RASGRF2: variants seen among roughly 807,000 people sequenced by gnomAD.
RASGRF2 encodes Ras protein specific guanine nucleotide releasing factor 2.
RASGRF2 carries 76 observed loss-of-function variants against 151.0 expected under a neutral mutation model. The observed-to-expected ratio is 0.50, with a 90% CI of 0.42 to 0.61. The LOEUF (loss-of-function observed/expected upper bound fraction) is 0.61. Ranked by LOEUF, RASGRF2 falls within the 20% of genes least tolerant of loss-of-function variation. RASGRF2 has a pLI of 0.00. For missense variants in RASGRF2, 1,148 were observed against 1,564.6 expected (o/e 0.73, Z 4.49); for synonymous variants, 504 against 566.5 (o/e 0.89, Z 1.57).
intron 1 of RASGRF2, among the ~76,000 whole-genome samples, chr5:81,012,360 C>T (rs1749491028): frequency 6.6e-6 from 1 of 151,984 alleles, no homozygotes; most frequent in Non-Finnish European, 1.5e-5. Flanking sequence ...AGTTATTTTT[C>T]TTGCTGAACA....
intron 13 of RASGRF2, among the ~76,000 whole-genome samples, chr5:81,111,734 A>G (rs1374435759): frequency 1.3e-5 from 2 of 152,306 alleles, no homozygotes; most frequent in East Asian, 3.9e-4. Flanking sequence ...AATATAAAAA[A>G]CAGTAGAAGG....
intron 17 of RASGRF2, among the ~76,000 whole-genome samples, chr5:81,133,713 A>G (rs959304533): frequency 1.3e-5 from 2 of 152,218 alleles, no homozygotes; most frequent in Non-Finnish European, 2.9e-5. Flanking sequence ...TTACTGTTCT[A>G]TGCAACTCAA....
chr5:81,001,497 G>A (rs1749079617), intron 1 of RASGRF2, among the ~76,000 whole-genome samples: 2 of 152,016 alleles, frequency 1.3e-5, no homozygotes, highest in Admixed American at 1.3e-4. Context: ...GCCATTCTGG[G>A]CCTCAGATCT....
intron 18 of RASGRF2, among the ~76,000 whole-genome samples, chr5:81,189,856 C>T (rs761711730): frequency 9.9e-5 from 15 of 152,140 alleles, no homozygotes; most frequent in Non-Finnish European, 1.9e-4. Flanking sequence ...GGATTACAGG[C>T]ATGCGCCACC....
chr5:80,990,387 T>C (rs1334854226), intron 1 of RASGRF2, among the ~76,000 whole-genome samples: 2 of 152,160 alleles, frequency 1.3e-5, no homozygotes, highest in Non-Finnish European at 2.9e-5. Context: ...ATACTTGGAA[T>C]CCTGAGAATT....
intron 2 of RASGRF2, among the ~76,000 whole-genome samples, chr5:81,066,529 C>T (rs1231888592): frequency 2.6e-5 from 4 of 152,162 alleles, no homozygotes; most frequent in Admixed American, 6.5e-5. Flanking sequence ...TGTGTTCCAG[C>T]GTCATGAGGG....
intron 1 of RASGRF2, among the ~76,000 whole-genome samples, chr5:80,982,119 G>C (rs1748320458): frequency 6.6e-6 from 1 of 152,194 alleles, no homozygotes; most frequent in Non-Finnish European, 1.5e-5. Context: ...CTCAACTCTG[G>C]TGGCTCTTAG....
At chr5:81,119,215 C>A (rs1371490074) in intron 15 of RASGRF2, among the ~76,000 whole-genome samples, 1 of 152,218 alleles carries the variant, frequency 6.6e-6, no homozygotes, top group East Asian at 1.9e-4. Flanking sequence ...AACCTCACTT[C>A]TCAGTACTAA....
At chr5:81,061,997 CAAAA>C (rs34991044) in intron 2 of RASGRF2, among the ~76,000 whole-genome samples, 6 of 44,000 alleles carry the variant, frequency 1.4e-4, no homozygotes, top group Non-Finnish European at 2.1e-4. Context: ...TCCCAGCTGA[CAAAA>C]AAAAAAAAAA....
At chr5:81,144,003 C>T (rs1288900749) in intron 17 of RASGRF2, among the ~76,000 whole-genome samples, 1 of 151,840 alleles carries the variant, frequency 6.6e-6, no homozygotes, top group African/African-American at 2.4e-5. Context: ...CAGTATTATG[C>T]AAAGCTGAAA....
At chr5:81,206,712 T>C in intron 19 of RASGRF2, 133 bp from the exon 20 acceptor site, 1 of 704,306 alleles carries the variant, frequency 1.4e-6, no homozygotes, top group South Asian at 1.7e-5. Context: ...GCTCAGCAGT[T>C]GGTTGTGCTG....
At chr5:81,155,936 A>G (rs1016845262) in intron 17 of RASGRF2, among the ~76,000 whole-genome samples, 3 of 152,156 alleles carry the variant, frequency 2.0e-5, no homozygotes, top group African/African-American at 4.8e-5. Context: ...CAATCTAAAC[A>G]ACTTTATCTT....
At chr5:81,221,578 C>T (rs935746897) in intron 26 of RASGRF2, among the ~76,000 whole-genome samples, 8 of 152,116 alleles carry the variant, frequency 5.3e-5, no homozygotes, top group East Asian at 1.9e-4. Context: ...AGGCCAGGTG[C>T]GGTGGCTCAC....
At chr5:80,996,714 C>T (rs568606160) in intron 1 of RASGRF2, among the ~76,000 whole-genome samples, 1 of 150,804 alleles carries the variant, frequency 6.6e-6, no homozygotes, top group African/African-American at 2.4e-5. Context: ...ATTCTCATGC[C>T]TCAGGCTCCC....
At chr5:81,139,005 A>G (rs562368595) in intron 17 of RASGRF2, among the ~76,000 whole-genome samples, 7 of 152,264 alleles carry the variant, frequency 4.6e-5, no homozygotes, top group African/African-American at 1.7e-4. Context: ...CATCTTAACA[A>G]TACTCAGCCT....
intron 4 of RASGRF2, among the ~76,000 whole-genome samples, chr5:81,071,349 A>G (rs908589840): frequency 1.3e-5 from 2 of 152,160 alleles, no homozygotes; most frequent in African/African-American, 2.4e-5. Context: ...TAATGTGCTC[A>G]GCATTTACCT....
rs557329544 is a variant in RASGRF2 at position 81,002,699 on chromosome 5, C to T, written c.289-40178C>T. Among the ~76,000 whole-genome samples the T allele has an allele frequency of 1.1e-3, 174 of 152,108 alleles. 2 individuals carry two copies. The highest frequency in any genetic ancestry group is 6.8e-3 in the Middle Eastern group (2 of 294). On this transcript the variant is annotated intron_variant, in intron 1 of 26. Coordinates refer to ENST00000265080, the MANE Select transcript of RASGRF2 (RefSeq NM_006909.3). Reference sequence around the variant, plus strand: ...GTATAAATAAGATGATCTGTCGTGCCGATCTGGAAATTTTGTAATTAAGCC... The same window carrying T: ...GTATAAATAAGATGATCTGTCGTGCTGATCTGGAAATTTTGTAATTAAGCC...
intron 2 of RASGRF2, among the ~76,000 whole-genome samples, chr5:81,059,137 A>ATTCAGGAGG (rs1561583680): frequency 4.6e-5 from 7 of 151,814 alleles, no homozygotes; most frequent in Admixed American, 2.6e-4. Context: ...TAATCCCAGC[A>ATTCAGGAGG]CTTTGGGAGG....
At chr5:81,060,294 A>G (rs765578970) in intron 2 of RASGRF2, among the ~76,000 whole-genome samples, 3 of 152,174 alleles carry the variant, frequency 2.0e-5, no homozygotes, top group Non-Finnish European at 4.4e-5. Context: ...TAGACAGGCT[A>G]GGCCCACTCC....
Sources: gnomAD v4.1 joint callset for allele counts (sites outside exome capture counted in the v4.1 genomes callset) on GRCh38, gnomAD v4.1.1 for gene constraint, MANE v1.5 for transcripts, NCBI Gene and HGNC (gene_info 2026-07-23, HGNC 2026-07-21) for gene names.